The following NCKAP5 variants were observed in gnomAD, a reference collection of about 807,000 sequenced individuals.
NCKAP5 encodes nck-associated protein 5.
Under a neutral mutation model 167.0 loss-of-function variants are expected in NCKAP5, and 92 were observed. The observed-to-expected ratio is 0.55, with a 90% CI of 0.47 to 0.66. The LOEUF is 0.66. Ranked by LOEUF, NCKAP5 falls within the 30% of genes least tolerant of loss-of-function variation. NCKAP5 has a pLI of 0.00. For missense variants in NCKAP5, 2,378 were observed against 2,315.0 expected, an observed-to-expected ratio of 1.03 and a Z score of -0.56; for synonymous variants, 891 against 877.4, an observed-to-expected ratio of 1.02 and a Z score of -0.27.
rs766310419 is a variant in NCKAP5, at chr2:133,030,130, C to T, written c.342-35891G>A. ...AGAAATGCCGTCACTGGTATAGATT[C>T]GGTTTCAGGGAAGAAAATAAGAAGT... On this transcript the variant is annotated intron_variant, in intron 6 of 19. Transcript: ENST00000409261. 5.9e-5 allele frequency among the ~76,000 whole-genome samples: 9 copies of T among 152,264 alleles called. No homozygotes were observed. The East Asian group carries it at 9.6e-4, about 16-fold the overall frequency.
chr2:133,529,066 T>G (rs533441458), intron 2 of NCKAP5, among the ~76,000 whole-genome samples: 13 of 152,330 alleles, frequency 8.5e-5, no homozygotes, highest in Admixed American at 2.0e-4. Context: ...GTGAGAAAGT[T>G]TCCACAGCCC....
At chr2:133,563,652 G>A (rs565557658) in intron 1 of NCKAP5, among the ~76,000 whole-genome samples, 9 of 149,854 alleles carry the variant, frequency 6.0e-5, no homozygotes, top group Admixed American at 5.3e-4. Flanking sequence ...GCGCATAGGC[G>A]TTAGACACTT....
At chr2:132,694,103 T>TTTTTTTTATTTATTTATTTA (rs1553473342) in intron 19 of NCKAP5, among the ~76,000 whole-genome samples, 49 of 146,952 alleles carry the variant, frequency 3.3e-4, no homozygotes, top group Non-Finnish European at 6.3e-4. Flanking sequence ...GTTTTAAGTG[T>TTTTTTTTATTTATTTATTTA]TTTATTTATT....
intron 6 of NCKAP5, among the ~76,000 whole-genome samples, chr2:133,061,665 G>A (rs2080006750): frequency 6.6e-6 from 1 of 152,192 alleles, no homozygotes; most frequent in East Asian, 1.9e-4. Flanking sequence ...TTGTCTGACG[G>A]AACTGCCAAA....
At chr2:133,483,650 T>G (rs1680658515) in intron 3 of NCKAP5, among the ~76,000 whole-genome samples, 1 of 152,060 alleles carries the variant, frequency 6.6e-6, no homozygotes, top group South Asian at 2.1e-4. Flanking sequence ...TTTTCTCTCT[T>G]AAAATAGAAT....
chr2:133,568,155 A>C (rs1320370763), intron 1 of NCKAP5, 61 bp downstream of exon 1: 1 of 152,190 alleles, frequency 6.6e-6, no homozygotes, highest in Middle Eastern at 3.2e-3. Context: ...GAAGGAAAAC[A>C]AGCTGTATAA....
intron 3 of NCKAP5, among the ~76,000 whole-genome samples, chr2:133,388,632 A>G (rs1433911330): frequency 6.6e-6 from 1 of 152,200 alleles, no homozygotes; most frequent in Non-Finnish European, 1.5e-5. Flanking sequence ...CTGCCCCCAC[A>G]GGTGGAGTCT....
intron 4 of NCKAP5, among the ~76,000 whole-genome samples, chr2:133,282,436 A>C (rs543971678): frequency 6.6e-6 from 1 of 152,296 alleles, no homozygotes; most frequent in African/African-American, 2.4e-5. Context: ...ATTTCCTTAT[A>C]AGTAACATTG....
At chr2:132,752,175 C>T (rs2104794750) in intron 16 of NCKAP5, among the ~76,000 whole-genome samples, 1 of 152,340 alleles carries the variant, frequency 6.6e-6, no homozygotes, top group Non-Finnish European at 1.5e-5. Flanking sequence ...CCCATAACTG[C>T]ATACTGAATA....
intron 5 of NCKAP5, among the ~76,000 whole-genome samples, chr2:133,192,096 G>A (rs767870171): frequency 4.0e-5 from 6 of 151,898 alleles, no homozygotes; most frequent in South Asian, 2.1e-4. Context: ...GTGGAGGGAC[G>A]GACATAGATA....
intron 3 of NCKAP5, among the ~76,000 whole-genome samples, chr2:133,340,402 T>C (rs528167736): frequency 5.9e-5 from 9 of 152,300 alleles, no homozygotes; most frequent in Admixed American, 2.6e-4. Context: ...AAAGAACACA[T>C]GGTATTTCAA....
At chr2:132,748,333 A>G (rs973748924) in intron 16 of NCKAP5, among the ~76,000 whole-genome samples, 1 of 152,220 alleles carries the variant, frequency 6.6e-6, no homozygotes, top group African/African-American at 2.4e-5. Flanking sequence ...CTGTTCACTG[A>G]CTGGCCCAGG....
chr2:133,603,448 C>T, the NCKAP5 span, among the ~76,000 whole-genome samples: 2 of 152,242 alleles, frequency 1.3e-5, no homozygotes, highest in South Asian at 4.1e-4. Context: ...TGGTCTCAAA[C>T]TCCCCACCTC....
At position 133,522,156 on chromosome 2, in the gene NCKAP5, C is replaced by T. The variant is rs538127677; in HGVS notation, c.-61-4569G>A. Among the ~76,000 whole-genome samples, 37 of 152,288 alleles carry T rather than the reference C, an allele frequency of 2.4e-4. No individual in the cohort carries two copies. In the South Asian group the frequency reaches 7.7e-3, roughly 32 times the overall value. ...GGGAAAGAAGAAGCCATTCTGCTTC[C>T]AGCTCTAGCAGAACAGCATCAACAG... On this transcript the variant is annotated intron_variant, in intron 2 of 19. Transcript: ENST00000409261.
the NCKAP5 span, among the ~76,000 whole-genome samples, chr2:133,606,005 A>T: frequency 6.6e-6 from 1 of 152,200 alleles, no homozygotes; most frequent in Non-Finnish European, 1.5e-5. Flanking sequence ...CATATGCCAC[A>T]ATTACATCAG....
intron 19 of NCKAP5, among the ~76,000 whole-genome samples, chr2:132,707,216 G>A (rs962085384): frequency 6.6e-6 from 1 of 152,246 alleles, no homozygotes; most frequent in Non-Finnish European, 1.5e-5. Context: ...GGGGGAAAGT[G>A]CAGTGACTGT....
At chr2:132,860,827 T>C (rs968831833) in intron 10 of NCKAP5, among the ~76,000 whole-genome samples, 9 of 152,310 alleles carry the variant, frequency 5.9e-5, no homozygotes, top group Non-Finnish European at 1.2e-4. Context: ...AAAAGCACCT[T>C]GAAATCAGAA....
intron 4 of NCKAP5, among the ~76,000 whole-genome samples, chr2:133,232,058 G>A (rs1436524706): frequency 6.6e-6 from 1 of 152,202 alleles, no homozygotes; most frequent in Non-Finnish European, 1.5e-5. Context: ...CACAAAAGCT[G>A]TGTGGGTTTT....
intron 5 of NCKAP5, among the ~76,000 whole-genome samples, chr2:133,192,920 T>C (rs867644313): frequency 4.6e-5 from 7 of 152,192 alleles, no homozygotes; most frequent in South Asian, 2.1e-4. Flanking sequence ...TGAAAACTTA[T>C]GTTCGCACAA....
Sources: gnomAD v4.1 joint callset for allele counts (sites outside exome capture counted in the v4.1 genomes callset) on GRCh38, gnomAD v4.1.1 for gene constraint, MANE v1.5 for transcripts, NCBI Gene and HGNC (gene_info 2026-07-23, HGNC 2026-07-21) for gene names.